Variants in HSPA4 observed in about 807,000 individuals in gnomAD.
The protein encoded by HSPA4 is heat shock protein family A (Hsp70) member 4.
HSPA4 carries 25 observed loss-of-function variants against 106.2 expected under a neutral mutation model. The ratio of observed to expected loss-of-function variants is 0.24; its 90% CI spans 0.17 to 0.33. The LOEUF (loss-of-function observed/expected upper bound fraction) is 0.33. Ranked by LOEUF, HSPA4 falls within the 10% of genes least tolerant of loss-of-function variation. The pLI, the probability that HSPA4 is intolerant of heterozygous loss-of-function variation, is 1.00. For synonymous variants in HSPA4, 332 were observed against 333.6 expected, an observed-to-expected ratio of 1.00 and a Z score of 0.05; for missense variants, 841 against 996.0, an observed-to-expected ratio of 0.84 and a Z score of 2.10.
chr5:133,083,144 CAAAAAAAA>C (rs1234574679), intron 7 of HSPA4, among the ~76,000 whole-genome samples: 1 of 70,730 alleles, frequency 1.4e-5, no homozygotes, highest in African/African-American at 5.0e-5. Flanking sequence ...CAAAAAAATA[CAAAAAAAA>C]AAAAAAAAAA....
chr5:133,085,128 G>T (rs1315297776), intron 7 of HSPA4, among the ~76,000 whole-genome samples: 2 of 151,456 alleles, frequency 1.3e-5, no homozygotes. Context: ...GTATAATTCA[G>T]CGATTTAAAA....
intron 4 of HSPA4, 102 bp from the exon 5 acceptor site, chr5:133,073,128 A>G: frequency 3.0e-6 from 2 of 671,004 alleles, no homozygotes; most frequent in East Asian, 2.7e-5. Flanking sequence ...TTTCTTGATC[A>G]TATACAGAAT....
chr5:133,058,071 A>G (rs113267721), intron 1 of HSPA4, among the ~76,000 whole-genome samples: 59 of 152,342 alleles, frequency 3.9e-4, no homozygotes, highest in African/African-American at 1.4e-3. Flanking sequence ...TAAAGGATTC[A>G]GATAGTTTGA....
intron 7 of HSPA4, among the ~76,000 whole-genome samples, chr5:133,077,575 G>A (rs964497245): frequency 6.6e-6 from 1 of 152,148 alleles, no homozygotes; most frequent in Non-Finnish European, 1.5e-5. Context: ...GTTCACTTGA[G>A]GGTGACAGCT....
intron 13 of HSPA4, among the ~76,000 whole-genome samples, chr5:133,095,262 A>G (rs1380781291): frequency 1.3e-5 from 2 of 152,218 alleles, no homozygotes; most frequent in Non-Finnish European, 2.9e-5. Context: ...AGATTGTGCC[A>G]TTGCACTCCA....
chr5:133,100,087 A>G (rs1765765520), intron 16 of HSPA4, among the ~76,000 whole-genome samples: 2 of 151,862 alleles, frequency 1.3e-5, no homozygotes, highest in South Asian at 4.2e-4. Context: ...TTTTAAATAC[A>G]CAGTCTTGCT....
rs1275862277 is a variant in HSPA4 at position 133,104,619 on chromosome 5, T to C, written c.*183T>C. The C allele has an allele frequency of 8.5e-6, 5 of 588,762 alleles. No homozygotes were observed. The Admixed American group carries it at 9.2e-5, about 11-fold the overall frequency. 36.5% of individuals were successfully genotyped at this position (588,762 alleles called of 1,614,324 possible). ...ACTTCTAAATAGTTAGATACAGAAA[T>C]TAAGTGCATTGTATCTTTTTCATAA... is the stretch of plus-strand genomic sequence containing the variant. On this transcript the variant is annotated 3_prime_UTR_variant, in exon 19 of 19. Coordinates refer to ENST00000304858, the MANE Select transcript of HSPA4 (RefSeq NM_002154.4).
intron 3 of HSPA4, among the ~76,000 whole-genome samples, chr5:133,068,573 G>A (rs1045166961): frequency 6.6e-6 from 1 of 152,214 alleles, no homozygotes; most frequent in Non-Finnish European, 1.5e-5. Flanking sequence ...CTGTTGCAGT[G>A]TAGCTGATAA....
intron 4 of HSPA4, among the ~76,000 whole-genome samples, chr5:133,072,487 C>T (rs1306007371): frequency 1.4e-5 from 2 of 147,748 alleles, no homozygotes; most frequent in Admixed American, 1.4e-4. Flanking sequence ...GCAGCTTCCA[C>T]CTCCCAGGTT....
chr5:133,091,538 A>AT (rs1253484733), intron 12 of HSPA4, among the ~76,000 whole-genome samples, 164 bp downstream of exon 12: 1 of 152,130 alleles, frequency 6.6e-6, no homozygotes, highest in East Asian at 1.9e-4. Flanking sequence ...CCAGCAGTAG[A>AT]TTTTTATGCA....
intron 7 of HSPA4, among the ~76,000 whole-genome samples, chr5:133,083,736 C>CCAGCCTCAG (rs1765545013): frequency 6.6e-6 from 1 of 151,960 alleles, no homozygotes; most frequent in Admixed American, 6.6e-5. Context: ...GTTGTTTCTC[C>CCAGCCTCAG]GTGTTGGTCA....
intron 9 of HSPA4, 59 bp from the exon 10 acceptor site, chr5:133,088,996 A>G: frequency 1.3e-6 from 1 of 783,134 alleles, no homozygotes; most frequent in South Asian, 2.0e-5. Context: ...TTTAAGTGAT[A>G]TTATCAGTTT....
chr5:133,096,630 T>C (rs1765715523), intron 14 of HSPA4, among the ~76,000 whole-genome samples: 1 of 152,226 alleles, frequency 6.6e-6, no homozygotes, highest in Non-Finnish European at 1.5e-5. Flanking sequence ...ATGGTGGCAG[T>C]ATTTTGCTTA....
rs1246850417 is a variant in HSPA4, at chr5:133,099,563, T to C, written c.1948T>C (p.Leu650=). ...TCATTAGGATCGTAACAGTTTTACT[T>C]TGAAACTGGAAGATACTGAAAATTG... ...VSEDDRNSFT[L]KLEDTENWLY... is the part of the protein sequence containing the mutation. The change falls in exon 16 of 19, where the codon TTG becomes CTG. Residue 650 remains leucine, a synonymous_variant. Coordinates refer to ENST00000304858, the MANE Select transcript of HSPA4 (RefSeq NM_002154.4). 3 of 1,591,986 alleles carry C rather than the reference T, an allele frequency of 1.9e-6. No homozygotes were observed. The highest frequency in any genetic ancestry group is 8.6e-7 in the Non-Finnish European group (1 of 1,161,046).
At chr5:133,085,489 T>TTAAAAAAAAAAAAAAAAAAAAAAAA (rs1554089513) in intron 7 of HSPA4, among the ~76,000 whole-genome samples, 5 of 110,286 alleles carry the variant, frequency 4.5e-5, no homozygotes, top group African/African-American at 2.0e-4. Context: ...CCATCTCTAC[T>TTAAAAAAAAAAAAAAAAAAAAAAAA]AAAAAAAAAA....
intron 3 of HSPA4, among the ~76,000 whole-genome samples, chr5:133,069,978 C>G (rs1287676728): frequency 1.3e-5 from 2 of 151,770 alleles, no homozygotes; most frequent in Non-Finnish European, 2.9e-5. Context: ...CCAGCATCGG[C>G]AACAAAGCAA....
In HSPA4 at chr5:133,089,615, C is replaced by T. The variant is rs759117993; in HGVS notation, c.1298C>T (p.Thr433Ile). The change falls in exon 11 of 19, where the codon ACA becomes ATA. Residue 433 changes from threonine (T) to isoleucine (I), a missense_variant. Coordinates refer to ENST00000304858, the MANE Select transcript of HSPA4 (RefSeq NM_002154.4). ...NHAAPFSKVL[T>I]FYRKEPFTLE... is the part of the protein sequence containing the mutation. ...GCTGCTCCTTTCTCTAAAGTTCTTA[C>T]ATTTTATAGAAAGGAACCTTTCACT... The T allele has an allele frequency of 6.1e-5, 99 of 1,611,682 alleles. No homozygotes were observed. Among genetic ancestry groups the T allele is most frequent in the Non-Finnish European group, 8.1e-5 (96 of 1,178,234 alleles).
chr5:133,069,784 A>C (rs1169894097), intron 3 of HSPA4, among the ~76,000 whole-genome samples: 1 of 152,216 alleles, frequency 6.6e-6, no homozygotes, highest in Non-Finnish European at 1.5e-5. Flanking sequence ...ATGGTGAGCT[A>C]CACTGATTTG....
chr5:133,067,217 A>G (rs1441104979), intron 2 of HSPA4, among the ~76,000 whole-genome samples, 200 bp from the exon 3 acceptor site: 1 of 152,156 alleles, frequency 6.6e-6, no homozygotes, highest in Non-Finnish European at 1.5e-5. Flanking sequence ...TAGCCCTGCC[A>G]CTCTGAGACC....
Sources: allele counts gnomAD v4.1 joint callset (sites outside exome capture counted in the v4.1 genomes callset), GRCh38; gene constraint gnomAD v4.1.1; transcripts MANE v1.5; gene names NCBI Gene and HGNC (gene_info 2026-07-23, HGNC 2026-07-21).